ASPRV1: variants seen among roughly 807,000 people sequenced by gnomAD.
ASPRV1 encodes the protein retroviral-like aspartic protease 1.
A neutral mutation model predicts 11.0 loss-of-function variants in ASPRV1; 7 were observed. The observed-to-expected ratio is 0.64, with a 90% CI of 0.36 to 1.20. The LOEUF is 1.20. Among genes scored for constraint, ASPRV1 ranks in the 50% most tolerant of loss-of-function variants. The pLI is 0.02. For synonymous variants in ASPRV1, 136 were observed against 138.4 expected (o/e 0.98, Z 0.12); for missense variants, 299 against 320.0 (o/e 0.93, Z 0.50).
chr2:69,965,992 T>G (rs1045562165), upstream of ASPRV1, among the ~76,000 whole-genome samples: 2 of 152,120 alleles, frequency 1.3e-5, no homozygotes, highest in African/African-American at 4.8e-5. Context: ...TCAGAACCCC[T>G]CTAACCAAAG....
the ASPRV1 span, among the ~76,000 whole-genome samples, chr2:69,982,915 CTGAG>C: frequency 6.6e-6 from 1 of 151,804 alleles, no homozygotes; most frequent in African/African-American, 2.4e-5. Context: ...CTCTGGAACC[CTGAG>C]TATTTATTTA....
chr2:70,003,676 C>T, the ASPRV1 span, among the ~76,000 whole-genome samples: 3 of 152,212 alleles, frequency 2.0e-5, no homozygotes, highest in Admixed American at 6.5e-5. Flanking sequence ...AGAGCCCAGC[C>T]GGCCATGACG....
the ASPRV1 span, chr2:69,938,148 A>G: frequency 6.2e-7 from 1 of 1,614,230 alleles, no homozygotes; most frequent in South Asian, 1.1e-5. Context: ...GGTGATCTGG[A>G]CTGGAGCAGC....
the ASPRV1 span, chr2:70,083,485 C>G: frequency 6.6e-6 from 1 of 152,236 alleles, no homozygotes; most frequent in African/African-American, 2.4e-5. Flanking sequence ...GGTTCAACTT[C>G]CAAAGTCTAA....
At chr2:70,076,641 T>C in the ASPRV1 span, among the ~76,000 whole-genome samples, 3 of 152,334 alleles carry the variant, frequency 2.0e-5, no homozygotes, top group East Asian at 1.9e-4. Context: ...CCAAACATCA[T>C]AGCTCAGCCT....
the ASPRV1 span, chr2:70,045,195 G>A: frequency 1.3e-5 from 2 of 152,164 alleles, no homozygotes; most frequent in Non-Finnish European, 2.9e-5. Context: ...TCTCACCAGG[G>A]ACAGAAAAGC....
the ASPRV1 span, among the ~76,000 whole-genome samples, chr2:70,072,203 C>T: frequency 6.6e-6 from 1 of 151,534 alleles, no homozygotes; most frequent in South Asian, 2.1e-4. Flanking sequence ...CCACCCACCT[C>T]GGCCTCCCAA....
chr2:69,977,462 G>A, the ASPRV1 span, among the ~76,000 whole-genome samples: 4 of 152,140 alleles, frequency 2.6e-5, no homozygotes, highest in African/African-American at 7.2e-5. Context: ...GAAAGATCAC[G>A]GGGCTGAAAG....
chr2:70,041,933 G>A, the ASPRV1 span, among the ~76,000 whole-genome samples: 1 of 152,118 alleles, frequency 6.6e-6, no homozygotes, highest in Non-Finnish European at 1.5e-5. Flanking sequence ...AGGAAATAGT[G>A]ATTACTACCT....
chr2:70,056,771 C>G, the ASPRV1 span, among the ~76,000 whole-genome samples: 135 of 151,592 alleles, frequency 8.9e-4, no homozygotes, highest in Non-Finnish European at 1.7e-3. Context: ...CTCTGTCACA[C>G]AGGCTGGAGT....
the ASPRV1 span, among the ~76,000 whole-genome samples, chr2:69,971,743 G>A: frequency 1.3e-5 from 2 of 152,190 alleles, no homozygotes; most frequent in African/African-American, 2.4e-5. Flanking sequence ...AGCCAAGCCA[G>A]CCCTGCCAAT....
the ASPRV1 span, chr2:69,993,778 T>C: frequency 6.6e-6 from 1 of 152,258 alleles, no homozygotes; most frequent in South Asian, 2.1e-4. Context: ...AATGTGATTG[T>C]GTTTCCATGT....
At chr2:70,006,813 C>T in the ASPRV1 span, among the ~76,000 whole-genome samples, 5 of 152,128 alleles carry the variant, frequency 3.3e-5, no homozygotes, top group Non-Finnish European at 7.4e-5. Flanking sequence ...ATGCACATAC[C>T]CTTGACCTAG....
chr2:70,085,877 C>G, the ASPRV1 span: 2 of 152,372 alleles, frequency 1.3e-5, no homozygotes, highest in East Asian at 3.9e-4. Context: ...CTCGTTCTCT[C>G]CAGCACAACA....
chr2:69,943,661 G>A, the ASPRV1 span, among the ~76,000 whole-genome samples: 4 of 152,150 alleles, frequency 2.6e-5, no homozygotes, highest in Non-Finnish European at 2.9e-5. Flanking sequence ...GAACAAATAC[G>A]GCTTGAGTAC....
the ASPRV1 span, among the ~76,000 whole-genome samples, chr2:70,079,621 G>C: frequency 6.6e-6 from 1 of 152,146 alleles, no homozygotes; most frequent in Non-Finnish European, 1.5e-5. Flanking sequence ...AGTGAGGCAG[G>C]AACAGCATCA....
At chr2:69,947,021 C>T in the ASPRV1 span, among the ~76,000 whole-genome samples, 6 of 152,314 alleles carry the variant, frequency 3.9e-5, no homozygotes, top group Middle Eastern at 3.4e-3. Context: ...ACTTCAGTTC[C>T]CGCATTCACA....
chr2:69,997,250 T>C, the ASPRV1 span, among the ~76,000 whole-genome samples: 1 of 147,680 alleles, frequency 6.8e-6, no homozygotes, highest in African/African-American at 2.5e-5. Context: ...AACTTGGCCC[T>C]CCTCTGCCCT....
chr2:69,988,591 G>T, the ASPRV1 span: 1 of 340,760 alleles, frequency 2.9e-6, no homozygotes, highest in Admixed American at 3.7e-5. Flanking sequence ...AAGAAGTTCT[G>T]AAGATGAATG....
Sources: gnomAD v4.1 joint callset for allele counts (sites outside exome capture counted in the v4.1 genomes callset) on GRCh38, gnomAD v4.1.1 for gene constraint, MANE v1.5 for transcripts, NCBI Gene and HGNC (gene_info 2026-07-23, HGNC 2026-07-21) for gene names.